The following UBXN11 variants were observed in gnomAD, a reference collection of about 807,000 sequenced individuals.
The protein encoded by UBXN11 is UBX domain protein 11, also known as UBX domain-containing protein 11.
In UBXN11, 47 loss-of-function variants were observed where a neutral mutation model predicts 62.8. The observed-to-expected ratio is 0.75, with a 90% CI of 0.59 to 0.95. UBXN11 has a LOEUF of 0.95. Ranked by LOEUF, UBXN11 falls within the 40% of genes least tolerant of loss-of-function variation. UBXN11 has a pLI of 0.00. For missense variants in UBXN11, 638 were observed against 661.7 expected (o/e 0.96, Z 0.39); for synonymous variants, 294 against 267.0 (o/e 1.10, Z -0.99).
In UBXN11 at chr1:26,302,888, C is replaced by G. The variant is rs747889691; in HGVS notation, c.-5G>C. ...GGAGGCCAAAGGTGAGCTCATAGTTCTACTTCTAGAATCCAGCTGTCAGGA... is the reference window on the plus strand; with the variant it reads ...GGAGGCCAAAGGTGAGCTCATAGTTGTACTTCTAGAATCCAGCTGTCAGGA... On this transcript the variant is annotated 5_prime_UTR_variant, in exon 2 of 15. Transcript: ENST00000374222. 1.2e-6 allele frequency: 2 copies of G among 1,613,572 alleles called. No individual in the cohort carries two copies. The highest frequency in any genetic ancestry group is 2.2e-5 in the South Asian group (2 of 91,038).
intron 3 of UBXN11, 146 bp downstream of exon 3, chr1:26,301,548 A>G: frequency 8.7e-7 from 1 of 1,147,104 alleles, no homozygotes; most frequent in South Asian, 1.6e-5. Flanking sequence ...CTCAGGGAGG[A>G]CAGCATGGGA....
upstream of UBXN11, chr1:26,306,834 G>GGGGGTT (rs1553165094): frequency 3.2e-3 from 130 of 40,154 alleles, no homozygotes; most frequent in Non-Finnish European, 8.8e-3. Context: ...CGGGGTGGGG[G>GGGGGTT]GGGGGGGTGG....
At chr1:26,307,450 C>G (rs978145598), upstream of UBXN11, among the ~76,000 whole-genome samples, 2 of 152,072 alleles carry the variant, frequency 1.3e-5, no homozygotes, top group African/African-American at 4.8e-5. Context: ...ACAGAAACAC[C>G]TGTAGAGAGC....
rs1462105730 is a variant in UBXN11 at position 26,282,476 on chromosome 1, C to T, written c.1386G>A (p.Val462=). The change falls in exon 15 of 15, where the codon GTG becomes GTA. Residue 462 remains valine, a synonymous_variant. Transcript: ENST00000374222. ...CCCGCAGCAGCAGTGCTGCTTTGGG[C>T]ACAAGGCCTGCAGCCTGCAGCGTGA... ...DTLTLQAAGL[V]PKAALLLRAR... 6.2e-7 allele frequency: 1 copy of T among 1,609,018 alleles called. No individual in the cohort carries two copies.
intron 7 of UBXN11, among the ~76,000 whole-genome samples, chr1:26,296,230 G>C (rs1404915645): frequency 2.0e-5 from 3 of 152,184 alleles, no homozygotes; most frequent in Non-Finnish European, 4.4e-5. Context: ...AAGGTGACTG[G>C]GGTCACTGAG....
intron 1 of UBXN11, among the ~76,000 whole-genome samples, chr1:26,305,633 A>C (rs1047197786): frequency 6.6e-6 from 1 of 152,108 alleles, no homozygotes; most frequent in African/African-American, 2.4e-5. Flanking sequence ...ACTTTAAAGG[A>C]GTGAAGTATG....
intron 10 of UBXN11, chr1:26,284,831 A>C: frequency 4.7e-6 from 5 of 1,056,668 alleles, no homozygotes; most frequent in Non-Finnish European, 5.7e-6. Flanking sequence ...GCATCATCGT[A>C]CATGTAACCT....
intron 8 of UBXN11, among the ~76,000 whole-genome samples, chr1:26,286,777 G>A (rs776609371): frequency 8.5e-5 from 13 of 152,092 alleles, no homozygotes; most frequent in Non-Finnish European, 1.3e-4. Context: ...TTGGATCACC[G>A]CAACCTTGCC....
At chr1:26,290,892 G>A (rs2073247309) in intron 8 of UBXN11, among the ~76,000 whole-genome samples, 2 of 152,218 alleles carry the variant, frequency 1.3e-5, no homozygotes, top group South Asian at 2.1e-4. Flanking sequence ...TCTCAGCCCC[G>A]AGGCCCAACA....
upstream of UBXN11, among the ~76,000 whole-genome samples, chr1:26,311,489 T>G (rs1371891265): frequency 6.6e-6 from 1 of 150,848 alleles, no homozygotes; most frequent in Non-Finnish European, 1.5e-5. Context: ...GTTGCCAAGG[T>G]TGGAGTGCAG....
chr1:26,303,001 G>A (rs2073577310), intron 1 of UBXN11, 83 bp from the exon 2 acceptor site: 2 of 903,214 alleles, frequency 2.2e-6, no homozygotes, highest in Non-Finnish European at 3.4e-6. Flanking sequence ...CCACTTCCCT[G>A]GCTACTCTTC....
intron 7 of UBXN11, 144 bp downstream of exon 7, chr1:26,296,775 A>C: frequency 3.7e-6 from 3 of 808,392 alleles, no homozygotes; most frequent in Non-Finnish European, 5.8e-6. Context: ...AGTCCTGGGT[A>C]GGGAAATGCA....
intron 5 of UBXN11, among the ~76,000 whole-genome samples, 199 bp from the exon 6 acceptor site, chr1:26,297,680 G>C (rs1000862672): frequency 6.6e-6 from 1 of 152,200 alleles, no homozygotes; most frequent in Admixed American, 6.5e-5. Flanking sequence ...CCACACCTGA[G>C]GACCCCCACA....
chr1:26,316,852 C>T (rs1266838149), intron 1 of UBXN11, among the ~76,000 whole-genome samples: 1 of 151,512 alleles, frequency 6.6e-6, no homozygotes, highest in Non-Finnish European at 1.5e-5. Flanking sequence ...ACCCACTTGT[C>T]CCTTCCCTCG....
At chr1:26,297,030 C>A (rs762997731) in intron 6 of UBXN11, 35 bp from the exon 7 acceptor site, 4 of 1,575,156 alleles carry the variant, frequency 2.5e-6, no homozygotes, top group Non-Finnish European at 3.5e-6. Context: ...TTCAGCTGCC[C>A]CAGCAAGACA....
In UBXN11 at chr1:26,285,815, G is replaced by C; in HGVS notation, c.774+8C>G. On this transcript the variant is annotated splice_region_variant and intron_variant, in intron 9 of 14. Coordinates refer to ENST00000374222, the MANE Select transcript of UBXN11 (RefSeq NM_001389556.1). Reference sequence around the variant, plus strand: ...CTAGAGCACCACCCCCCCCAACACCGCTCCTACCTGTGTGGAGGGATCGTA... The same window carrying C: ...CTAGAGCACCACCCCCCCCAACACCCCTCCTACCTGTGTGGAGGGATCGTA... 6.3e-7 allele frequency: 1 copy of C among 1,592,998 alleles called. No individual in the cohort carries two copies. The highest frequency in any genetic ancestry group is 8.6e-7 in the Non-Finnish European group (1 of 1,163,976).
At position 26,284,634 on chromosome 1, in the gene UBXN11, C is replaced by T. The variant is rs144573096; in HGVS notation, c.853-152G>A. ...GGAAACCCAGGCCTCAGGAGAGCCA[C>T]GGTTCGTACTGCTGTCATCTCCCTC... On this transcript the variant is annotated intron_variant, in intron 10 of 14. Transcript: ENST00000374222. The T allele has an allele frequency of 2.2e-4, 307 of 1,394,400 alleles. 2 individuals carry two copies. The African/African-American group carries it at 3.9e-3, about 18-fold the overall frequency. 86.4% of individuals were successfully genotyped at this position (1,394,400 alleles called of 1,614,324 possible).
At chr1:26,302,116 G>C (rs2073552077) in intron 2 of UBXN11, among the ~76,000 whole-genome samples, 1 of 152,276 alleles carries the variant, frequency 6.6e-6, no homozygotes, top group African/African-American at 2.4e-5. Context: ...GGTAATTCCA[G>C]CACTTTGGGA....
At chr1:26,316,216 G>A (rs890789552) in intron 1 of UBXN11, among the ~76,000 whole-genome samples, 4 of 137,862 alleles carry the variant, frequency 2.9e-5, no homozygotes, top group East Asian at 4.5e-4. Context: ...TTATCTGCCC[G>A]CCTCAGCCTC....
Sources: allele counts gnomAD v4.1 joint callset (sites outside exome capture counted in the v4.1 genomes callset), GRCh38; gene constraint gnomAD v4.1.1; transcripts MANE v1.5; gene names NCBI Gene and HGNC (gene_info 2026-07-23, HGNC 2026-07-21).